The following MYO10 variants were observed in gnomAD, a reference collection of about 807,000 sequenced individuals.
MYO10 encodes myosin X, also known as unconventional myosin-X.
MYO10 carries 133 observed loss-of-function variants against 257.3 expected under a neutral mutation model. The observed-to-expected ratio is 0.52, with a 90% CI of 0.45 to 0.60. The LOEUF (loss-of-function observed/expected upper bound fraction) is 0.60, where lower values mean the gene tolerates loss of function less well. MYO10 is among the 20% of genes least tolerant of loss of function. MYO10 has a pLI of 0.00. For missense variants in MYO10, 2,399 were observed against 2,635.7 expected, an observed-to-expected ratio of 0.91 and a Z score of 1.97; for synonymous variants, 1,104 against 1,028.6, an observed-to-expected ratio of 1.07 and a Z score of -1.40.
rs554867049 is a variant in MYO10 at position 16,745,490 on chromosome 5, A to G, written c.1929+9338T>C. On this transcript the variant is annotated intron_variant, in intron 19 of 40. Coordinates refer to ENST00000513610, the MANE Select transcript of MYO10 (RefSeq NM_012334.3). ...CGCTTGAGGCCAAAAGTTTGAGACC[A>G]GCCTGGGCAACACAGTAAGACCTCG... Among the ~76,000 whole-genome samples the G allele has an allele frequency of 3.0e-3, 461 of 152,116 alleles. 6 individuals carry two copies. Among genetic ancestry groups the G allele is most frequent in the African/African-American group, 0.01 (431 of 41,386 alleles).
In MYO10 at chr5:16,918,683, T is replaced by C. The variant is rs558723678; in HGVS notation, c.21+17105A>G. 2.6e-5 allele frequency among the ~76,000 whole-genome samples: 4 copies of C among 152,100 alleles called. No individual in the cohort carries two copies. In the East Asian group the frequency reaches 5.8e-4, roughly 22 times the overall value. On this transcript the variant is annotated intron_variant, in intron 1 of 40. Transcript: ENST00000513610. ...GCCTGGCTAATTTTTGTATTTTAAG[T>C]AGAGACAGGGTTTCTCCATGTTGGT...
chr5:16,749,785 C>A (rs1238472744), intron 19 of MYO10, among the ~76,000 whole-genome samples: 1 of 152,224 alleles, frequency 6.6e-6, no homozygotes, highest in Non-Finnish European at 1.5e-5. Flanking sequence ...AATCTGCAGG[C>A]AACTGCGGGC....
chr5:16,925,829 G>A (rs1282635566), intron 1 of MYO10, among the ~76,000 whole-genome samples: 3 of 152,150 alleles, frequency 2.0e-5, no homozygotes, highest in Non-Finnish European at 2.9e-5. Context: ...TAGACTGCCT[G>A]GTTATCTCTT....
At chr5:16,717,738 A>AT (rs1738932459) in intron 19 of MYO10, among the ~76,000 whole-genome samples, 2 of 44,192 alleles carry the variant, frequency 4.5e-5, no homozygotes, top group East Asian at 6.1e-4. Context: ...TCTTTGACCC[A>AT]CGGGGATTTA....
intron 2 of MYO10, among the ~76,000 whole-genome samples, chr5:16,829,330 T>C (rs138773410): frequency 2.6e-5 from 4 of 152,290 alleles, no homozygotes; most frequent in African/African-American, 7.2e-5. Flanking sequence ...CTCATCATCA[T>C]GGGCAACACT....
At chr5:16,667,286 CT>C (rs1485983768) in intron 40 of MYO10, among the ~76,000 whole-genome samples, 2 of 152,158 alleles carry the variant, frequency 1.3e-5, no homozygotes, top group African/African-American at 4.8e-5. Context: ...GCCAGGCCAG[CT>C]TCTGCTCCAC....
intron 1 of MYO10, among the ~76,000 whole-genome samples, chr5:16,896,345 C>G (rs759141171): frequency 6.6e-6 from 1 of 152,098 alleles, no homozygotes; most frequent in Non-Finnish European, 1.5e-5. Flanking sequence ...CCTGTAATCC[C>G]AGCACTTTGG....
chr5:16,742,464 G>T (rs1740049056), intron 19 of MYO10, among the ~76,000 whole-genome samples: 1 of 152,192 alleles, frequency 6.6e-6, no homozygotes, highest in South Asian at 2.1e-4. Context: ...AGTCAAAGAT[G>T]CTGGCAATGG....
chr5:16,802,954 A>G (rs999914152), intron 3 of MYO10, among the ~76,000 whole-genome samples: 1 of 150,522 alleles, frequency 6.6e-6, no homozygotes, highest in African/African-American at 2.4e-5. Context: ...AAAAAAAAAA[A>G]TTTACCCATG....
chr5:16,779,494 T>A (rs1741334920), intron 9 of MYO10, 51 bp downstream of exon 9: 1 of 1,099,138 alleles, frequency 9.1e-7, no homozygotes, highest in African/African-American at 1.6e-5. Context: ...TCTGTTACTC[T>A]TAATAAGGTA....
At chr5:16,804,761 G>A (rs1292147533) in intron 3 of MYO10, among the ~76,000 whole-genome samples, 2 of 151,580 alleles carry the variant, frequency 1.3e-5, no homozygotes, top group Non-Finnish European at 2.9e-5. Flanking sequence ...CTAAAAATAC[G>A]AAAATTAGCT....
intron 33 of MYO10, among the ~76,000 whole-genome samples, chr5:16,677,765 CT>C (rs10639073): frequency 1.4e-4 from 21 of 146,572 alleles, no homozygotes; most frequent in Admixed American, 1.4e-4. Flanking sequence ...CATATTTACT[CT>C]TTTTTTTTTT....
chr5:16,931,574 G>T (rs1055641109), intron 1 of MYO10, among the ~76,000 whole-genome samples: 1 of 152,050 alleles, frequency 6.6e-6, no homozygotes, highest in Non-Finnish European at 1.5e-5. Flanking sequence ...TGCTCCTGCT[G>T]CAACAACTGT....
At chr5:16,796,186 CAAAAA>C (rs796981409) in intron 3 of MYO10, among the ~76,000 whole-genome samples, 6 of 48,810 alleles carry the variant, frequency 1.2e-4, no homozygotes, top group African/African-American at 3.2e-4. Flanking sequence ...GAGACTCTGT[CAAAAA>C]AAAAAAAAAA....
At chr5:16,781,582 C>G in intron 6 of MYO10, 123 bp downstream of exon 6, 1 of 1,048,538 alleles carries the variant, frequency 9.5e-7, no homozygotes, top group East Asian at 2.6e-5. Context: ...AACTAACTGT[C>G]TAATTCGTTA....
intron 1 of MYO10, chr5:16,902,276 C>T: frequency 1.3e-6 from 1 of 783,356 alleles, no homozygotes; most frequent in Non-Finnish European, 2.3e-6. Context: ...TGTCTTCAGT[C>T]TTTAAGAACT....
Position 16,780,528 on chromosome 5 carries a change from T to C in MYO10, c.822A>G (p.Glu274=). 1.3e-6 allele frequency: 2 copies of C among 1,575,986 alleles called. No individual in the cohort carries two copies. Among genetic ancestry groups the C allele is most frequent in the Non-Finnish European group, 1.7e-6 (2 of 1,158,530 alleles). The change falls in exon 8 of 41, where the codon GAA becomes GAG. Residue 274 remains glutamate, a synonymous_variant. Coordinates refer to ENST00000513610, the MANE Select transcript of MYO10 (RefSeq NM_012334.3). The part of the protein sequence containing the change: ...YALLAGLEHE[E]REEFYLSTPE... Reference sequence around the variant, plus strand: ...TCCAGCTGTCGTCCCACTCACCTCTTTCTTCATGTTCCAGCCCTGCCAGCA... The same window carrying C: ...TCCAGCTGTCGTCCCACTCACCTCTCTCTTCATGTTCCAGCCCTGCCAGCA...
intron 1 of MYO10, among the ~76,000 whole-genome samples, chr5:16,934,484 G>A (rs1379206453): frequency 6.6e-6 from 1 of 152,234 alleles, no homozygotes; most frequent in Non-Finnish European, 1.5e-5. Flanking sequence ...ACTGGACAAC[G>A]TGCAACTCTT....
intron 2 of MYO10, among the ~76,000 whole-genome samples, chr5:16,863,506 C>T (rs1434071575): frequency 2.0e-5 from 3 of 152,174 alleles, no homozygotes; most frequent in African/African-American, 7.2e-5. Flanking sequence ...CTAAGGTCTA[C>T]AACACCTCAC....
Sources: gnomAD v4.1 joint callset for allele counts (sites outside exome capture counted in the v4.1 genomes callset) on GRCh38, gnomAD v4.1.1 for gene constraint, MANE v1.5 for transcripts, NCBI Gene and HGNC (gene_info 2026-07-23, HGNC 2026-07-21) for gene names.